Variants in OLA1 observed in about 807,000 individuals in gnomAD.
OLA1 encodes Obg like ATPase 1, also known as obg-like ATPase 1.
In OLA1, 14 loss-of-function variants were observed where a neutral mutation model predicts 48.4. The observed-to-expected ratio is 0.29, with a 90% CI of 0.19 to 0.45. The LOEUF (loss-of-function observed/expected upper bound fraction) is 0.45, where lower values mean the gene tolerates loss of function less well. Among genes scored for constraint, OLA1 ranks in the 20% least tolerant of loss-of-function variants. The pLI, the probability that OLA1 is intolerant of heterozygous loss-of-function variation, is 1.00. For missense variants in OLA1, 325 were observed against 467.1 expected (o/e 0.70, Z 2.80); for synonymous variants, 127 against 150.4 (o/e 0.84, Z 1.14).
intron 4 of OLA1, among the ~76,000 whole-genome samples, chr2:174,168,150 T>G (rs889500012): frequency 6.6e-6 from 1 of 152,188 alleles, no homozygotes. Context: ...ATGGTCTTTC[T>G]GTCCTAGAGA....
chr2:174,113,147 G>C (rs1050655257), intron 7 of OLA1, among the ~76,000 whole-genome samples: 1 of 152,136 alleles, frequency 6.6e-6, no homozygotes, highest in African/African-American at 2.4e-5. Context: ...GTTTCACCAT[G>C]TCGGTCAGGT....
At chr2:174,078,902 T>G (rs1237848735) in intron 10 of OLA1, 66 bp downstream of exon 10, 2 of 1,487,616 alleles carry the variant, frequency 1.3e-6, no homozygotes, top group East Asian at 2.3e-5. Flanking sequence ...ATCATTCATT[T>G]TTATCATGAC....
At chr2:174,211,820 G>C (rs1260367136) in intron 4 of OLA1, among the ~76,000 whole-genome samples, 1 of 152,060 alleles carries the variant, frequency 6.6e-6, no homozygotes, top group Non-Finnish European at 1.5e-5. Context: ...AATATGGCTA[G>C]TCCATACTGA....
intron 4 of OLA1, among the ~76,000 whole-genome samples, chr2:174,183,342 C>T (rs1224548045): frequency 6.6e-6 from 1 of 152,118 alleles, no homozygotes; most frequent in Non-Finnish European, 1.5e-5. Flanking sequence ...CAAACTAAGA[C>T]CAGAAGAGTT....
intron 5 of OLA1, among the ~76,000 whole-genome samples, chr2:174,132,927 A>G (rs1480096903): frequency 6.6e-6 from 1 of 152,102 alleles, no homozygotes; most frequent in Non-Finnish European, 1.5e-5. Flanking sequence ...TACTAAAAGT[A>G]TTAAGATTTT....
At chr2:174,240,357 C>A (rs1412271916) in intron 2 of OLA1, 1 of 151,982 alleles carries the variant, frequency 6.6e-6, no homozygotes, top group South Asian at 2.1e-4. Context: ...TTGCAGACAC[C>A]CAATCAGCAT....
intron 4 of OLA1, among the ~76,000 whole-genome samples, chr2:174,181,957 T>C (rs1687553448): frequency 6.6e-6 from 1 of 152,200 alleles, no homozygotes; most frequent in Admixed American, 6.5e-5. Context: ...GGGCACAGAT[T>C]TTTGTTTCAT....
intron 4 of OLA1, among the ~76,000 whole-genome samples, chr2:174,183,788 C>T (rs1687598526): frequency 1.3e-5 from 2 of 152,132 alleles, no homozygotes; most frequent in Admixed American, 1.3e-4. Context: ...TGTAGAAGGC[C>T]TTGCAGAGTC....
chr2:174,202,183 T>A (rs1688005121), intron 4 of OLA1, among the ~76,000 whole-genome samples: 1 of 152,138 alleles, frequency 6.6e-6, no homozygotes, highest in African/African-American at 2.4e-5. Flanking sequence ...TATAAAAACT[T>A]AAGAATTTAT....
chr2:174,205,996 C>A (rs1230790335), intron 4 of OLA1, among the ~76,000 whole-genome samples: 1 of 152,098 alleles, frequency 6.6e-6, no homozygotes, highest in Non-Finnish European at 1.5e-5. Context: ...AATTATAAGT[C>A]ACTGACGTAG....
chr2:174,225,059 T>G (rs567640034), intron 3 of OLA1, among the ~76,000 whole-genome samples: 13 of 152,156 alleles, frequency 8.5e-5, no homozygotes, highest in Non-Finnish European at 1.9e-4. Flanking sequence ...TGGGGCCTGG[T>G]GGGAGGCGTT....
intron 4 of OLA1, among the ~76,000 whole-genome samples, chr2:174,214,110 A>C (rs1292228344): frequency 6.6e-6 from 1 of 152,102 alleles, no homozygotes; most frequent in African/African-American, 2.4e-5. Flanking sequence ...AGGCAGGCAG[A>C]TCATTTGAGG....
intron 3 of OLA1, among the ~76,000 whole-genome samples, chr2:174,225,549 C>CA (rs1164106354): frequency 4.5e-4 from 65 of 145,634 alleles, no homozygotes; most frequent in African/African-American, 1.2e-3. Context: ...AACTCCCTCT[C>CA]AAAAAAAAAA....
chr2:174,182,426 T>A (rs964279834), intron 4 of OLA1, among the ~76,000 whole-genome samples: 1 of 152,126 alleles, frequency 6.6e-6, no homozygotes, highest in African/African-American at 2.4e-5. Flanking sequence ...CTCAGGAGGC[T>A]GAGGCAGAAG....
intron 2 of OLA1, among the ~76,000 whole-genome samples, chr2:174,241,491 A>C (rs1689001736): frequency 6.6e-6 from 1 of 152,182 alleles, no homozygotes; most frequent in Non-Finnish European, 1.5e-5. Context: ...ATTTGGGAGA[A>C]GGCAATTTGC....
At chr2:174,178,331 T>C (rs957350369) in intron 4 of OLA1, among the ~76,000 whole-genome samples, 3 of 151,982 alleles carry the variant, frequency 2.0e-5, no homozygotes, top group African/African-American at 7.2e-5. Flanking sequence ...CACAGCTCTC[T>C]GGGAAGAACT....
intron 7 of OLA1, among the ~76,000 whole-genome samples, chr2:174,082,949 GT>G (rs908159331): frequency 2.0e-5 from 3 of 151,976 alleles, no homozygotes; most frequent in African/African-American, 7.3e-5. Flanking sequence ...CTAAGCCTCA[GT>G]TTCCTCACTT....
rs192890986 is a variant in OLA1, at chr2:174,118,127, T to C, written c.728+5053A>G. ...CACACTTTTAAACAACCAGATCTCA[T>C]GAGAACTCACTCATTATCACGAGAA... On this transcript the variant is annotated intron_variant, in intron 7 of 10. Transcript: ENST00000284719. 5.9e-5 allele frequency among the ~76,000 whole-genome samples: 9 copies of C among 152,222 alleles called. No individual in the cohort carries two copies. In the East Asian group the frequency reaches 1.5e-3, roughly 26 times the overall value.
At chr2:174,198,464 C>T (rs1428747816) in intron 4 of OLA1, among the ~76,000 whole-genome samples, 1 of 151,906 alleles carries the variant, frequency 6.6e-6, no homozygotes, top group Non-Finnish European at 1.5e-5. Context: ...GTCCATAAAC[C>T]CCTGGGAGTC....
Sources: gnomAD v4.1 joint callset for allele counts (sites outside exome capture counted in the v4.1 genomes callset) on GRCh38, gnomAD v4.1.1 for gene constraint, MANE v1.5 for transcripts, NCBI Gene and HGNC (gene_info 2026-07-23, HGNC 2026-07-21) for gene names.